Variants in PIK3CB observed in about 807,000 individuals in gnomAD.
PIK3CB encodes the protein phosphatidylinositol 4,5-bisphosphate 3-kinase catalytic subunit beta isoform.
In PIK3CB, 39 loss-of-function variants were observed where a neutral mutation model predicts 136.8. That is an observed-to-expected ratio of 0.29 (90% CI 0.22 to 0.37). PIK3CB has a LOEUF of 0.37. Among genes scored for constraint, PIK3CB ranks in the 10% least tolerant of loss-of-function variants. The pLI is 1.00. For missense variants in PIK3CB, 868 were observed against 1,275.4 expected (o/e 0.68, Z 4.87); for synonymous variants, 428 against 436.6 (o/e 0.98, Z 0.25).
rs141632749 is a variant in PIK3CB at position 138,727,387 on chromosome 3, A to G, written c.1050+5974T>C. 3.8e-3 allele frequency among the ~76,000 whole-genome samples: 582 copies of G among 152,354 alleles called. 5 individuals are homozygous for G. The highest frequency in any genetic ancestry group is 0.013 in the African/African-American group (559 of 41,582). Reference sequence around the variant, plus strand: ...AAAAGACACTCAGCTCTTCCTAGCAAAAGAGTCAAAGAATGAGAAAATTTG... The same window carrying G: ...AAAAGACACTCAGCTCTTCCTAGCAGAAGAGTCAAAGAATGAGAAAATTTG... On this transcript the variant is annotated intron_variant, in intron 8 of 23. Coordinates refer to ENST00000674063, the MANE Select transcript of PIK3CB (RefSeq NM_006219.3).
chr3:138,728,738 C>G (rs976134290), intron 8 of PIK3CB, among the ~76,000 whole-genome samples: 3 of 151,428 alleles, frequency 2.0e-5, no homozygotes, highest in Non-Finnish European at 2.9e-5. Flanking sequence ...CGAGATTGAG[C>G]CACTGCACTC....
chr3:138,686,214 G>A (rs953171370), intron 16 of PIK3CB, among the ~76,000 whole-genome samples: 19 of 151,728 alleles, frequency 1.3e-4, no homozygotes, highest in South Asian at 4.2e-4. Context: ...TGAAGTGGGC[G>A]GATCACTTGA....
intron 2 of PIK3CB, among the ~76,000 whole-genome samples, chr3:138,782,286 A>G (rs550634085): frequency 1.3e-5 from 2 of 152,360 alleles, no homozygotes; most frequent in East Asian, 3.9e-4. Flanking sequence ...CTTGGGTGTG[A>G]TAAGAAGGAG....
At chr3:138,721,572 C>A (rs1246925515) in intron 8 of PIK3CB, among the ~76,000 whole-genome samples, 5 of 152,202 alleles carry the variant, frequency 3.3e-5, no homozygotes, top group Non-Finnish European at 5.9e-5. Flanking sequence ...AAAGTCTCCA[C>A]TGCCTAATCT....
intron 12 of PIK3CB, among the ~76,000 whole-genome samples, chr3:138,704,100 T>TA (rs1475304463): frequency 6.6e-6 from 1 of 152,226 alleles, no homozygotes; most frequent in Non-Finnish European, 1.5e-5. Context: ...GTGTGCCTAT[T>TA]ACTAAATCTG....
At chr3:138,720,821 T>C (rs1006820846) in intron 8 of PIK3CB, among the ~76,000 whole-genome samples, 1 of 152,026 alleles carries the variant, frequency 6.6e-6, no homozygotes, top group South Asian at 2.1e-4. Flanking sequence ...TGAGCAGAGA[T>C]TGTGCCACTG....
chr3:138,832,322 C>T (rs1407035113), intron 1 of PIK3CB, among the ~76,000 whole-genome samples: 1 of 152,142 alleles, frequency 6.6e-6, no homozygotes, highest in African/African-American at 2.4e-5. Context: ...GGGTGTGAAT[C>T]AGGGGTGTAA....
At chr3:138,778,116 C>A in intron 2 of PIK3CB, 2 of 384,386 alleles carry the variant, frequency 5.2e-6, no homozygotes, top group South Asian at 1.9e-5. Flanking sequence ...TTGTGGAGAC[C>A]ACTGGCATCT....
rs538932738 is a variant in PIK3CB at position 138,784,431 on chromosome 3, T to TCGTCTC, written c.-17+12026_-17+12031dup. 3.7e-3 allele frequency among the ~76,000 whole-genome samples: 552 copies of TCGTCTC among 151,206 alleles called. 5 individuals are homozygous for TCGTCTC. Among genetic ancestry groups the TCGTCTC allele is most frequent in the African/African-American group, 0.013 (515 of 41,198 alleles). On this transcript the variant is annotated intron_variant, in intron 2 of 23. Transcript: ENST00000674063. ...CTCCCTCCCCCTCCCCCTCTCCCTCTCGTCTCCGTCTCCGTCTCCCACTTT... is the reference window on the plus strand; with the variant it reads ...CTCCCTCCCCCTCCCCCTCTCCCTCTCGTCTCCGTCTCCGTCTCCGTCTCCCACTTT...
At chr3:138,674,744 C>T (rs554054349) in intron 19 of PIK3CB, among the ~76,000 whole-genome samples, 1 of 152,106 alleles carries the variant, frequency 6.6e-6, no homozygotes, top group Non-Finnish European at 1.5e-5. Context: ...GTTCAAAGAA[C>T]TAAAGGAAAC....
chr3:138,809,305 G>T (rs1415090490), intron 1 of PIK3CB, among the ~76,000 whole-genome samples: 1 of 150,248 alleles, frequency 6.7e-6, no homozygotes, highest in East Asian at 2.0e-4. Context: ...TTCTGTGAAA[G>T]ATATGATTAA....
chr3:138,780,251 G>A (rs1173878914), intron 2 of PIK3CB, among the ~76,000 whole-genome samples: 1 of 151,830 alleles, frequency 6.6e-6, no homozygotes, highest in African/African-American at 2.4e-5. Context: ...GAGCCCACCA[G>A]AAAACTAACT....
intron 2 of PIK3CB, among the ~76,000 whole-genome samples, chr3:138,767,612 G>C (rs1442728700): frequency 6.6e-6 from 1 of 152,238 alleles, no homozygotes; most frequent in Non-Finnish European, 1.5e-5. Flanking sequence ...ACTGCCAAGG[G>C]AGACTGTGTG....
chr3:138,821,246 T>G (rs532833752), intron 1 of PIK3CB, among the ~76,000 whole-genome samples: 1 of 148,870 alleles, frequency 6.7e-6, no homozygotes, highest in Non-Finnish European at 1.5e-5. Flanking sequence ...ATTGTGCCAC[T>G]GCACTCCAGC....
intron 1 of PIK3CB, among the ~76,000 whole-genome samples, chr3:138,805,515 C>CA (rs1186682271): frequency 1.3e-5 from 2 of 149,904 alleles, no homozygotes; most frequent in Non-Finnish European, 3.0e-5. Context: ...AATAAAAATA[C>CA]AAAAAAATTA....
At chr3:138,719,593 A>ATTT (rs1331415081) in intron 8 of PIK3CB, among the ~76,000 whole-genome samples, 2 of 152,162 alleles carry the variant, frequency 1.3e-5, no homozygotes, top group African/African-American at 4.8e-5. Flanking sequence ...GTGAAGGCAT[A>ATTT]TTAAGACACA....
chr3:138,732,231 A>T (rs1559847756), intron 8 of PIK3CB, among the ~76,000 whole-genome samples: 1 of 152,132 alleles, frequency 6.6e-6, no homozygotes, highest in East Asian at 1.9e-4. Flanking sequence ...CCTGTATACA[A>T]TATTATTAAC....
intron 7 of PIK3CB, 35 bp from the exon 8 acceptor site, chr3:138,733,473 A>G: frequency 9.9e-7 from 1 of 1,009,004 alleles, no homozygotes. Flanking sequence ...AATTATTTTA[A>G]TGAAAGAAAT....
chr3:138,799,470 C>T (rs1037164181), intron 1 of PIK3CB, among the ~76,000 whole-genome samples: 4 of 151,890 alleles, frequency 2.6e-5, no homozygotes, highest in East Asian at 1.9e-4. Context: ...ACAATTAATC[C>T]GCACCAGATC....
Sources: gnomAD v4.1 joint callset for allele counts (sites outside exome capture counted in the v4.1 genomes callset) on GRCh38, gnomAD v4.1.1 for gene constraint, MANE v1.5 for transcripts, NCBI Gene and HGNC (gene_info 2026-07-23, HGNC 2026-07-21) for gene names.